The following NBEA variants were observed in gnomAD, a reference collection of about 807,000 sequenced individuals.
The protein encoded by NBEA is neurobeachin.
In NBEA, 44 loss-of-function variants were observed where a neutral mutation model predicts 343.4. The ratio of observed to expected loss-of-function variants is 0.13; its 90% CI spans 0.10 to 0.16. NBEA has a LOEUF of 0.16. Ranked by LOEUF, NBEA falls within the 10% of genes least tolerant of loss-of-function variation. The pLI is 1.00. For missense variants in NBEA, 2,555 were observed against 3,631.3 expected (o/e 0.70, Z 7.62); for synonymous variants, 1,175 against 1,238.7 (o/e 0.95, Z 1.08).
At chr13:35,471,537 G>A (rs1210798785) in intron 40 of NBEA, among the ~76,000 whole-genome samples, 4 of 152,090 alleles carry the variant, frequency 2.6e-5, no homozygotes, top group Non-Finnish European at 5.9e-5. Flanking sequence ...CTCCCTTTGG[G>A]GAGACTTTAC....
Position 35,182,404 on chromosome 13 carries a change from C to T in NBEA, c.4707C>T (p.Tyr1569=). 1 of 1,610,666 alleles carries T rather than the reference C, an allele frequency of 6.2e-7. No homozygotes were observed. The highest frequency in any genetic ancestry group is 1.1e-5 in the South Asian group (1 of 90,972). Residue 1569 remains tyrosine (Y), a synonymous_variant, in exon 29 of 59, where the codon TAC becomes TAT. Coordinates refer to ENST00000379939, the MANE Select transcript of NBEA (RefSeq NM_001385012.1). Reference sequence around the variant, plus strand: ...AGTTCTTAGCTCTGGCTGTTGTTTACTTCATTTCGGTTCTGATGGTTTCCA... The same window carrying T: ...AGTTCTTAGCTCTGGCTGTTGTTTATTTCATTTCGGTTCTGATGGTTTCCA... The part of the protein sequence containing the change: ...QAQFLALAVV[Y]FISVLMVSKY...
At chr13:35,347,388 A>G (rs1346512993) in intron 36 of NBEA, among the ~76,000 whole-genome samples, 1 of 152,076 alleles carries the variant, frequency 6.6e-6, no homozygotes, top group Non-Finnish European at 1.5e-5. Flanking sequence ...CCTGTTTAAA[A>G]TCCCCGGAAA....
chr13:35,019,051 G>GT (rs879547494), intron 1 of NBEA, among the ~76,000 whole-genome samples: 389 of 143,854 alleles, frequency 2.7e-3, no homozygotes, highest in Non-Finnish European at 2.8e-3. Flanking sequence ...TGTCATTTGA[G>GT]TTTTTTTTTT....
chr13:34,979,173 T>C (rs1232056732), intron 1 of NBEA, among the ~76,000 whole-genome samples: 1 of 152,186 alleles, frequency 6.6e-6, no homozygotes, highest in African/African-American at 2.4e-5. Context: ...GGTTTTAATT[T>C]GAATTTCTGG....
rs1235792822 is a variant in NBEA, at chr13:35,672,334, G to A, written c.*1343G>A. The A allele has an allele frequency of 6.6e-6, 1 of 152,594 alleles. No homozygotes were observed. Among genetic ancestry groups the A allele is most frequent in the East Asian group, 1.9e-4 (1 of 5,198 alleles). The allele number at this position is 152,594 out of a possible 1,614,324, so 9.5% of individuals were successfully genotyped here. A position where few individuals can be genotyped will look rare whatever the true frequency, so the allele number is the denominator to read the frequency against. On this transcript the variant is annotated 3_prime_UTR_variant, in exon 59 of 59. Coordinates refer to ENST00000379939, the MANE Select transcript of NBEA (RefSeq NM_001385012.1). ...TCATTTATTTAAAAAGATAAAACAA[G>A]ATAATGGGTTCTTTGTATTGGCACT... is the stretch of plus-strand genomic sequence containing the variant.
chr13:35,452,849 G>GC (rs756446920), intron 40 of NBEA, among the ~76,000 whole-genome samples: 6 of 152,256 alleles, frequency 3.9e-5, no homozygotes, highest in Non-Finnish European at 7.4e-5. Context: ...TGGGTTTTAA[G>GC]CCACTTTGAG....
intron 4 of NBEA, among the ~76,000 whole-genome samples, chr13:35,047,179 G>C (rs1183907670): frequency 6.6e-6 from 1 of 150,700 alleles, no homozygotes; most frequent in Non-Finnish European, 1.5e-5. Flanking sequence ...GGTTAGTATA[G>C]GGTTTAACTC....
At chr13:35,353,605 C>T (rs1051480779) in intron 38 of NBEA, among the ~76,000 whole-genome samples, 7 of 152,052 alleles carry the variant, frequency 4.6e-5, no homozygotes, top group Non-Finnish European at 1.0e-4. Flanking sequence ...TAATATTTAT[C>T]ATAATAATAG....
intron 34 of NBEA, among the ~76,000 whole-genome samples, chr13:35,243,683 G>C (rs974957432): frequency 1.3e-5 from 2 of 151,802 alleles, no homozygotes; most frequent in Admixed American, 1.3e-4. Flanking sequence ...AAGGATAAAA[G>C]GGTTATACAA....
intron 33 of NBEA, among the ~76,000 whole-genome samples, chr13:35,227,138 G>A (rs1184655006): frequency 6.6e-6 from 1 of 151,794 alleles, no homozygotes; most frequent in Non-Finnish European, 1.5e-5. Flanking sequence ...AAATAAGTAA[G>A]CATTTTTTTT....
rs1192338659 is a variant in NBEA, at chr13:35,159,962, C to T, written c.3791C>T (p.Thr1264Ile). ...GATGCAGGAAGTATAATTTCAGATACTGAAAGGTCTGACGATGGCAAAGAA... is the reference window on the plus strand; with the variant it reads ...GATGCAGGAAGTATAATTTCAGATATTGAAAGGTCTGACGATGGCAAAGAA... ...NIDAGSIISDTERSDDGKESG... is the reference protein window; with the variant it reads ...NIDAGSIISDIERSDDGKESG... The change falls in exon 22 of 59, where the codon ACT (threonine) becomes ATT (isoleucine). Residue 1264 changes from threonine to isoleucine, a missense_variant. Thr to Ile is a moderately conservative substitution (Grantham distance 89). Around this residue, in one of 21 missense-constraint regions of NBEA, gnomAD observed 367 missense variants for 377.5 expected, o/e 0.97. Coordinates refer to ENST00000379939, the MANE Select transcript of NBEA (RefSeq NM_001385012.1). 6.3e-7 allele frequency: 1 copy of T among 1,594,538 alleles called. No homozygotes were observed. Among genetic ancestry groups the T allele is most frequent in the Non-Finnish European group, 8.5e-7 (1 of 1,170,130 alleles).
intron 6 of NBEA, among the ~76,000 whole-genome samples, chr13:35,054,481 A>G (rs927388807): frequency 6.6e-6 from 1 of 152,124 alleles, no homozygotes; most frequent in Non-Finnish European, 1.5e-5. Context: ...TTTCCAATAA[A>G]TTAATGATTA....
At chr13:35,043,830 C>T (rs2152559893) in intron 2 of NBEA, among the ~76,000 whole-genome samples, 1 of 151,908 alleles carries the variant, frequency 6.6e-6, no homozygotes, top group South Asian at 2.1e-4. Flanking sequence ...GAATAATATA[C>T]ATTATATATC....
At chr13:35,399,582 G>C (rs528765725) in intron 38 of NBEA, among the ~76,000 whole-genome samples, 1 of 152,234 alleles carries the variant, frequency 6.6e-6, no homozygotes, top group East Asian at 1.9e-4. Flanking sequence ...TACAATTGGA[G>C]ATGAGATTTA....
intron 41 of NBEA, among the ~76,000 whole-genome samples, chr13:35,479,565 G>C (rs143931374): frequency 6.6e-6 from 1 of 152,138 alleles, no homozygotes; most frequent in East Asian, 1.9e-4. Context: ...ATCTAGGCTT[G>C]GGGGATATAT....
intron 35 of NBEA, among the ~76,000 whole-genome samples, chr13:35,296,367 C>T (rs1456547611): frequency 6.8e-6 from 1 of 146,554 alleles, no homozygotes; most frequent in African/African-American, 2.5e-5. Flanking sequence ...GGCGACAGAG[C>T]GAGACTCAGT....
intron 21 of NBEA, 100 bp from the exon 22 acceptor site, chr13:35,158,916 G>A (rs1593549737): frequency 9.1e-7 from 1 of 1,093,554 alleles, no homozygotes; most frequent in East Asian, 2.7e-5. Flanking sequence ...TAAACTTTCT[G>A]GCATTATTTT....
At chr13:35,326,836 C>T (rs887013491) in intron 36 of NBEA, among the ~76,000 whole-genome samples, 1 of 151,898 alleles carries the variant, frequency 6.6e-6, no homozygotes, top group Non-Finnish European at 1.5e-5. Flanking sequence ...TAACTGTCAA[C>T]AAAGTAAACA....
Position 35,672,056 on chromosome 13 carries a change from C to T in NBEA, c.*1065C>T, listed in dbSNP as rs371353503. The T allele has an allele frequency of 3.9e-5, 6 of 152,576 alleles. No individual in the cohort carries two copies. Among genetic ancestry groups the T allele is most frequent in the Admixed American group, 1.3e-4 (2 of 15,272 alleles). 9.5% of individuals were successfully genotyped at this position (152,576 alleles called of 1,614,324 possible). Reference sequence around the variant, plus strand: ...AACTGAAGTTATTCTTTTAGGTTCTCGTGAAATTCTCACTGAAAGCCACAT... The same window carrying T: ...AACTGAAGTTATTCTTTTAGGTTCTTGTGAAATTCTCACTGAAAGCCACAT... On this transcript the variant is annotated 3_prime_UTR_variant, in exon 59 of 59. Transcript: ENST00000379939.
Sources: gnomAD v4.1 joint callset for allele counts (sites outside exome capture counted in the v4.1 genomes callset) on GRCh38, gnomAD v4.1.1 for gene constraint, gnomAD v4.1.1 regional missense constraint, MANE v1.5 for transcripts, NCBI Gene and HGNC (gene_info 2026-07-23, HGNC 2026-07-21) for gene names.